NPC1: variants seen among roughly 807,000 people sequenced by gnomAD.
The protein encoded by NPC1 is Niemann-Pick C1 protein.
Under a neutral mutation model 140.4 loss-of-function variants are expected in NPC1, and 85 were observed. That is an observed-to-expected ratio of 0.61 (90% confidence interval 0.51 to 0.72). The LOEUF is 0.72. Ranked by LOEUF, NPC1 falls within the 30% of genes least tolerant of loss-of-function variation. The probability of loss-of-function intolerance (pLI) is 0.00; values close to 1 mark genes in which losing one functional copy is unlikely to be tolerated. For synonymous variants in NPC1, 656 were observed against 624.8 expected (o/e 1.05, Z -0.74); for missense variants, 1,504 against 1,623.8 (o/e 0.93, Z 1.27).
intron 3 of NPC1, chr18:23,515,928 C>T: frequency 6.2e-7 from 1 of 1,614,136 alleles, no homozygotes; most frequent in Non-Finnish European, 8.5e-7. Context: ...CATGTACTGC[C>T]CCGAGAGCGC....
chr18:23,533,701 G>C, intron 23 of NPC1, 184 bp from the exon 24 acceptor site: 1 of 605,156 alleles, frequency 1.7e-6, no homozygotes, highest in East Asian at 3.0e-5. Flanking sequence ...TAGAGATGGG[G>C]TTTCACCATG....
intron 24 of NPC1, 49 bp from the exon 25 acceptor site, chr18:23,532,333 A>G: frequency 6.2e-7 from 1 of 1,609,994 alleles, no homozygotes; most frequent in Non-Finnish European, 8.5e-7. Context: ...AAAGGGAGCT[A>G]GTTGGCTGGG....
In NPC1 at chr18:23,554,805, G is replaced by C. The variant is rs191537721; in HGVS notation, c.1506C>G (p.Asp502Glu). 2.8e-5 allele frequency: 46 copies of C among 1,614,134 alleles called. No homozygotes were observed. The highest frequency in any genetic ancestry group is 8.5e-7 in the Non-Finnish European group (1 of 1,180,010). Residue 502 changes from aspartate to glutamate, a missense_variant, in exon 9 of 25, where the codon GAC (aspartate) becomes GAG (glutamate). By Grantham distance (45) the Asp-to-Glu change is conservative. Transcript: ENST00000269228. ...TGTGGTAATCGGCATACACAAAGAA[G>C]TCGTCCCCTTTCTTGTGGTCCAGCA... ...HSVLDHKKGD[D>E]FFVYADYHTH...
intron 4 of NPC1, among the ~76,000 whole-genome samples, chr18:23,566,346 T>C (rs558141131): frequency 5.3e-5 from 8 of 152,326 alleles, no homozygotes; most frequent in Admixed American, 5.2e-4. Context: ...ATTGCATCAC[T>C]GTATTCCAGC....
chr18:23,560,463 T>A lies in NPC1; in HGVS notation c.649A>T (p.Met217Leu), dbSNP rs754025750. The A allele has an allele frequency of 6.2e-7, 1 of 1,614,030 alleles. No individual in the cohort carries two copies. The highest frequency in any genetic ancestry group is 1.7e-4 in the Middle Eastern group (1 of 6,024). ...PVFSDFPVHG[M>L]EPMNNATKGC... is the part of the protein sequence containing the mutation. ...TTGGTGGCATTGTTCATGGGCTCCA[T>A]CCCATGGACTGGAAAATCTACAGAA... The change falls in exon 6 of 25, where the codon ATG (methionine) becomes TTG (leucine). Residue 217 changes from methionine to leucine, a missense_variant. Transcript: ENST00000269228.
At chr18:23,584,525 C>G (rs1567990240) in intron 1 of NPC1, among the ~76,000 whole-genome samples, 1 of 152,204 alleles carries the variant, frequency 6.6e-6, no homozygotes, top group African/African-American at 2.4e-5. Context: ...CATTGGCCAT[C>G]AGCCTTGGGT....
intron 1 of NPC1, among the ~76,000 whole-genome samples, chr18:23,577,846 A>G (rs913478060): frequency 1.3e-5 from 2 of 152,232 alleles, no homozygotes; most frequent in Non-Finnish European, 2.9e-5. Context: ...GGGGGGACCC[A>G]GTACACCCTC....
At chr18:23,537,011 A>G (rs1227310281) in intron 20 of NPC1, 135 bp from the exon 21 acceptor site, 6 of 727,492 alleles carry the variant, frequency 8.2e-6, no homozygotes, top group Admixed American at 8.1e-5. Context: ...TCAGGGATGA[A>G]GAAGGCCCCC....
chr18:23,551,782 G>A, intron 9 of NPC1, 55 bp from the exon 10 acceptor site: 1 of 1,153,636 alleles, frequency 8.7e-7, no homozygotes. Flanking sequence ...AGACATCAGG[G>A]ACCTAAACAT....
downstream of NPC1, among the ~76,000 whole-genome samples, chr18:23,530,819 G>A (rs1355776165): frequency 6.6e-6 from 1 of 152,204 alleles, no homozygotes; most frequent in African/African-American, 2.4e-5. Context: ...ACTCACCGAG[G>A]AGGTGTGTTT....
intron 10 of NPC1, among the ~76,000 whole-genome samples, chr18:23,548,990 T>C (rs954232849): frequency 2.0e-5 from 3 of 152,152 alleles, no homozygotes; most frequent in Admixed American, 6.5e-5. Flanking sequence ...GATTTTGTCA[T>C]GTTGCCCAGG....
At position 23,560,234 on chromosome 18, in the gene NPC1, T is replaced by C. The variant is rs2059018157; in HGVS notation, c.878A>G (p.Tyr293Cys). 2 of 1,614,106 alleles carry C rather than the reference T, an allele frequency of 1.2e-6. No homozygotes were observed. The highest frequency in any genetic ancestry group is 1.1e-5 in the South Asian group (1 of 91,076). ...FFGAFFAVWC[Y>C]RKRYFVSEYT... ...GATGACAAACAAAACTGCTTACCTG[T>C]AGCACCACACTGCAAAAAATGCTCC... Residue 293 changes from tyrosine to cysteine, a missense_variant, in exon 6 of 25, where the codon TAC (tyrosine) becomes TGC (cysteine). Transcript: ENST00000269228.
intron 1 of NPC1, among the ~76,000 whole-genome samples, chr18:23,585,288 G>A (rs538093173): frequency 6.6e-6 from 1 of 152,246 alleles, no homozygotes; most frequent in African/African-American, 2.4e-5. Context: ...ATGTTGCCCC[G>A]GCTGGTCTTG....
At chr18:23,546,454 C>G (rs540521835) in intron 11 of NPC1, among the ~76,000 whole-genome samples, 15 of 152,228 alleles carry the variant, frequency 9.9e-5, no homozygotes, top group Admixed American at 9.8e-4. Context: ...GGAAAACAGT[C>G]TGGCAGTTCT....
chr18:23,548,613 T>A (rs1598963062), intron 10 of NPC1, among the ~76,000 whole-genome samples: 1 of 152,262 alleles, frequency 6.6e-6, no homozygotes, highest in East Asian at 1.9e-4. Context: ...TGGAGACTGC[T>A]CCATAAAGAG....
intron 1 of NPC1, among the ~76,000 whole-genome samples, chr18:23,580,160 A>G (rs1034957524): frequency 6.6e-6 from 1 of 152,212 alleles, no homozygotes; most frequent in African/African-American, 2.4e-5. Context: ...CAGATACTCT[A>G]TGCAGTAGCA....
At chr18:23,532,926 A>G (rs1418944286) in intron 24 of NPC1, 5 of 985,234 alleles carry the variant, frequency 5.1e-6, no homozygotes, top group Non-Finnish European at 6.0e-6. Context: ...GACAGTCTCG[A>G]GATGAAGAAA....
intron 1 of NPC1, among the ~76,000 whole-genome samples, chr18:23,578,976 C>T (rs1304446084): frequency 2.0e-5 from 3 of 152,214 alleles, no homozygotes; most frequent in Non-Finnish European, 4.4e-5. Context: ...CGGAACAATG[C>T]TCAAAGTTTT....
At chr18:23,566,134 T>C (rs1243061115) in intron 4 of NPC1, among the ~76,000 whole-genome samples, 1 of 152,146 alleles carries the variant, frequency 6.6e-6, no homozygotes, top group Non-Finnish European at 1.5e-5. Context: ...CCAGGTGCAG[T>C]GACTCACACC....
Sources: gnomAD v4.1 joint callset for allele counts (sites outside exome capture counted in the v4.1 genomes callset) on GRCh38, gnomAD v4.1.1 for gene constraint, MANE v1.5 for transcripts, NCBI Gene and HGNC (gene_info 2026-07-23, HGNC 2026-07-21) for gene names.